TMEM181: variants seen among roughly 807,000 people sequenced by gnomAD.
TMEM181 encodes the protein G protein-coupled receptor 178.
Under a neutral mutation model 71.9 loss-of-function variants are expected in TMEM181, and 39 were observed. The observed-to-expected ratio is 0.54, with a 90% CI of 0.42 to 0.71. TMEM181 has a LOEUF of 0.71. TMEM181 is among the 30% of genes least tolerant of loss of function. The probability of loss-of-function intolerance (pLI) is 0.00; values close to 1 mark genes in which losing one functional copy is unlikely to be tolerated. For missense variants in TMEM181, 595 were observed against 583.0 expected (o/e 1.02, Z -0.21); for synonymous variants, 245 against 228.8 (o/e 1.07, Z -0.64).
Position 158,623,581 on chromosome 6 carries a change from T to C in TMEM181, c.928T>C (p.Tyr310His), listed in dbSNP as rs1786099222. ...CGAATTACATGATCCAATGTACCAG[T>C]ATCGAGTTGATACCGGAAATTTTCA... Reference protein sequence around the residue: ...VNELHDPMYQYRVDTGNFQGM... With the variant: ...VNELHDPMYQHRVDTGNFQGM... The change falls in exon 11 of 17, where the codon TAT (tyrosine) becomes CAT (histidine). Residue 310 changes from tyrosine to histidine, a missense_variant. Tyr to His is a moderately conservative substitution (Grantham distance 83, BLOSUM62 2). Transcript: ENST00000684151. The C allele has an allele frequency of 6.3e-7, 1 of 1,585,554 alleles. No homozygotes were observed.
At chr6:158,543,434 T>C (rs1277060920) in intron 1 of TMEM181, among the ~76,000 whole-genome samples, 1 of 152,178 alleles carries the variant, frequency 6.6e-6, no homozygotes, top group Non-Finnish European at 1.5e-5. Flanking sequence ...GGAGCCGCCT[T>C]CTAGGGCTGC....
chr6:158,611,093 G>A, intron 10 of TMEM181: 2 of 491,382 alleles, frequency 4.1e-6, no homozygotes, highest in South Asian at 3.2e-5. Flanking sequence ...GTCAGTGACT[G>A]TCCTTTGGTC....
At chr6:158,599,299 G>A (rs1487658140) in intron 6 of TMEM181, among the ~76,000 whole-genome samples, 2 of 152,206 alleles carry the variant, frequency 1.3e-5, no homozygotes, top group African/African-American at 4.8e-5. Context: ...ATTTAATCAG[G>A]GAGGAGTGGC....
chr6:158,619,762 G>C (rs2128325372), intron 10 of TMEM181, among the ~76,000 whole-genome samples: 1 of 151,868 alleles, frequency 6.6e-6, no homozygotes, highest in Middle Eastern at 3.4e-3. Flanking sequence ...CCAGCTACTT[G>C]GGAGGCTGAG....
chr6:158,621,983 A>T (rs545997356), intron 10 of TMEM181, among the ~76,000 whole-genome samples: 1 of 152,118 alleles, frequency 6.6e-6, no homozygotes. Context: ...AAGGGGCCCA[A>T]GCGCCCCTCA....
intron 10 of TMEM181, among the ~76,000 whole-genome samples, chr6:158,612,482 A>G (rs1785389140): frequency 6.6e-6 from 1 of 152,212 alleles, no homozygotes; most frequent in Non-Finnish European, 1.5e-5. Context: ...AGAATCTTTG[A>G]AAAAGGTTAA....
chr6:158,623,477 CAAT>C (rs1298675200), intron 10 of TMEM181, 70 bp from the exon 11 acceptor site: 1 of 1,085,692 alleles, frequency 9.2e-7, no homozygotes. Context: ...AACAAAAAGT[CAAT>C]AAGAAAAAAT....
chr6:158,544,072 T>C (rs1236302565), intron 1 of TMEM181, among the ~76,000 whole-genome samples: 1 of 152,112 alleles, frequency 6.6e-6, no homozygotes, highest in Non-Finnish European at 1.5e-5. Flanking sequence ...AGCAGACTGA[T>C]AGTGCAGCTG....
chr6:158,590,327 C>T (rs1784035841), intron 6 of TMEM181, among the ~76,000 whole-genome samples: 1 of 151,772 alleles, frequency 6.6e-6, no homozygotes. Context: ...TGTAAAATAG[C>T]TGCCTCATAG....
chr6:158,570,076 G>A (rs763180553), intron 1 of TMEM181, among the ~76,000 whole-genome samples: 1 of 152,104 alleles, frequency 6.6e-6, no homozygotes, highest in African/African-American at 2.4e-5. Flanking sequence ...TGCTTGGGTA[G>A]TTCTCGGAGC....
At chr6:158,598,234 C>A (rs960125691) in intron 6 of TMEM181, among the ~76,000 whole-genome samples, 4 of 152,230 alleles carry the variant, frequency 2.6e-5, no homozygotes, top group African/African-American at 9.6e-5. Flanking sequence ...ACGTCACATG[C>A]GTCATCCTCA....
chr6:158,576,616 A>G (rs1783169227), intron 2 of TMEM181, among the ~76,000 whole-genome samples: 1 of 152,156 alleles, frequency 6.6e-6, no homozygotes, highest in Non-Finnish European at 1.5e-5. Flanking sequence ...GAAAACCTTA[A>G]GTTTAAACCT....
At chr6:158,626,212 C>T (rs1019365359) in intron 13 of TMEM181, among the ~76,000 whole-genome samples, 9 of 152,262 alleles carry the variant, frequency 5.9e-5, no homozygotes, top group Non-Finnish European at 1.3e-4. Context: ...CAGGGAGTGG[C>T]GTCAGCCTGA....
chr6:158,585,231 G>A, intron 4 of TMEM181, 73 bp from the exon 5 acceptor site: 1 of 1,473,108 alleles, frequency 6.8e-7, no homozygotes, highest in Non-Finnish European at 9.0e-7. Context: ...GGTCATTACA[G>A]AGCCAGGAAG....
intron 1 of TMEM181, among the ~76,000 whole-genome samples, chr6:158,571,360 T>G (rs1782816911): frequency 6.8e-6 from 1 of 147,064 alleles, no homozygotes; most frequent in African/African-American, 2.5e-5. Flanking sequence ...CCTCCCAAAG[T>G]GCTGGGATTA....
intron 1 of TMEM181, among the ~76,000 whole-genome samples, chr6:158,537,038 G>A (rs1781141092): frequency 6.6e-6 from 1 of 151,944 alleles, no homozygotes; most frequent in Non-Finnish European, 1.5e-5. Flanking sequence ...GGAGGGACCA[G>A]GAAGGGGACG....
upstream of TMEM181, among the ~76,000 whole-genome samples, chr6:158,559,115 C>A (rs952438398): frequency 1.7e-4 from 26 of 151,718 alleles, no homozygotes; most frequent in Non-Finnish European, 3.5e-4. Context: ...CCCCTTTTAA[C>A]CCCCCTCTTC....
At chr6:158,540,964 C>T (rs772021580) in intron 1 of TMEM181, among the ~76,000 whole-genome samples, 6 of 152,180 alleles carry the variant, frequency 3.9e-5, no homozygotes, top group Non-Finnish European at 7.3e-5. Flanking sequence ...GAGACGAGGT[C>T]TCACTATGTT....
rs140849675 is a variant in TMEM181 at position 158,570,823 on chromosome 6, T to A, written c.9-2597T>A. Reference sequence around the variant, plus strand: ...TTATTTGCATTTCCCCACCATCTAGTCCATTTAGCTTTGTGTCATTTTTTT... The same window carrying A: ...TTATTTGCATTTCCCCACCATCTAGACCATTTAGCTTTGTGTCATTTTTTT... On this transcript the variant is annotated intron_variant, in intron 1 of 16. Coordinates refer to ENST00000684151, the MANE Select transcript of TMEM181 (RefSeq NM_001376852.1). Among the ~76,000 whole-genome samples the A allele has an allele frequency of 7.0e-3, 1,060 of 152,092 alleles. 11 individuals are homozygous for A. The highest frequency in any genetic ancestry group is 0.023 in the African/African-American group (970 of 41,524).
Sources: gnomAD v4.1 joint callset for allele counts (sites outside exome capture counted in the v4.1 genomes callset) on GRCh38, gnomAD v4.1.1 for gene constraint, MANE v1.5 for transcripts, NCBI Gene and HGNC (gene_info 2026-07-23, HGNC 2026-07-21) for gene names.